Variants in SLC17A6 observed in about 807,000 individuals in gnomAD.
The protein encoded by SLC17A6 is solute carrier family 17 member 6.
Under a neutral mutation model 67.1 loss-of-function variants are expected in SLC17A6, and 35 were observed. The ratio of observed to expected loss-of-function variants is 0.52; its 90% CI spans 0.40 to 0.69. The LOEUF is 0.69. SLC17A6 is among the 30% of genes least tolerant of loss of function. The probability of loss-of-function intolerance (pLI) is 0.00; values close to 1 mark genes in which losing one functional copy is unlikely to be tolerated. For synonymous variants in SLC17A6, 285 were observed against 252.3 expected, an observed-to-expected ratio of 1.13 and a Z score of -1.23; for missense variants, 588 against 723.9, an observed-to-expected ratio of 0.81 and a Z score of 2.15.
intron 4 of SLC17A6, among the ~76,000 whole-genome samples, chr11:22,360,132 C>T: frequency 6.6e-6 from 1 of 151,104 alleles, no homozygotes; most frequent in East Asian, 1.9e-4. Context: ...AACCCTTTCT[C>T]ATACTATGCA....
intron 9 of SLC17A6, among the ~76,000 whole-genome samples, chr11:22,375,569 C>G (rs1003516519): frequency 6.6e-6 from 1 of 151,736 alleles, no homozygotes; most frequent in Non-Finnish European, 1.5e-5. Flanking sequence ...CAACCCCCGC[C>G]TCCCGGGTTC....
At chr11:22,361,606 G>A (rs1032638652) in intron 5 of SLC17A6, among the ~76,000 whole-genome samples, 7 of 151,910 alleles carry the variant, frequency 4.6e-5, no homozygotes, top group African/African-American at 1.5e-4. Context: ...TTATTTTTGG[G>A]ATCAAAACTG....
rs182313712 is a variant in SLC17A6 at position 22,372,679 on chromosome 11, G to C, written c.1042-2076G>C. Among the ~76,000 whole-genome samples, 8 of 152,198 alleles carry C rather than the reference G, an allele frequency of 5.3e-5. No individual in the cohort carries two copies. The East Asian group carries it at 1.5e-3, about 29-fold the overall frequency. On this transcript the variant is annotated intron_variant, in intron 8 of 11. Transcript: ENST00000263160. ...AGACTATGACCCAGAAAAGCTAAAA[G>C]AAGGATGAGGCAAAAATCTAATTAC...
chr11:22,353,537 A>C (rs1382257887), intron 3 of SLC17A6, among the ~76,000 whole-genome samples: 9 of 152,252 alleles, frequency 5.9e-5, no homozygotes, highest in Non-Finnish European at 1.2e-4. Flanking sequence ...TAATAAAAAA[A>C]GAAACTTGTC....
intron 3 of SLC17A6, among the ~76,000 whole-genome samples, chr11:22,353,514 G>T (rs753183207): frequency 6.6e-6 from 1 of 152,138 alleles, no homozygotes; most frequent in Non-Finnish European, 1.5e-5. Context: ...TTGGAATTTG[G>T]ATTTTCACAG....
chr11:22,356,629 G>T (rs552828529), intron 3 of SLC17A6, among the ~76,000 whole-genome samples: 1 of 152,240 alleles, frequency 6.6e-6, no homozygotes, highest in South Asian at 2.1e-4. Flanking sequence ...GAGGTCAGGA[G>T]TTCAAGACCA....
At chr11:22,360,042 A>G (rs979980937) in intron 4 of SLC17A6, among the ~76,000 whole-genome samples, 2 of 152,024 alleles carry the variant, frequency 1.3e-5, no homozygotes, top group Non-Finnish European at 2.9e-5. Context: ...AGTTCGGCTT[A>G]CCAATTTCCC....
intron 4 of SLC17A6, among the ~76,000 whole-genome samples, chr11:22,360,483 A>T (rs1052010394): frequency 1.4e-4 from 22 of 151,938 alleles, no homozygotes; most frequent in South Asian, 1.2e-3. Flanking sequence ...GAACTTAAAA[A>T]AATAATAATA....
intron 3 of SLC17A6, among the ~76,000 whole-genome samples, chr11:22,344,867 A>G (rs940059825): frequency 6.6e-6 from 1 of 152,136 alleles, no homozygotes; most frequent in Admixed American, 6.5e-5. Context: ...TAGATCCCCA[A>G]TATATATAGT....
intron 1 of SLC17A6, 137 bp from the exon 2 acceptor site, chr11:22,341,391 C>A: frequency 1.5e-6 from 2 of 1,300,756 alleles, no homozygotes; most frequent in Non-Finnish European, 2.1e-6. Context: ...TGTCACCCCA[C>A]CACCCTAATC....
In SLC17A6 at chr11:22,341,738, CAA is replaced by C; in HGVS notation, c.298_299del (p.Asn100GlnfsTer91). The C allele has an allele frequency of 6.2e-7, 1 of 1,614,210 alleles. No homozygotes were observed. Among genetic ancestry groups the C allele is most frequent in the Non-Finnish European group, 8.5e-7 (1 of 1,180,046 alleles). On this transcript the variant is annotated frameshift_variant, in exon 2 of 12. Coordinates refer to ENST00000263160, the MANE Select transcript of SLC17A6 (RefSeq NM_020346.3). LOFTEE classifies it high-confidence loss of function. ...NLGVAIVDMVNNSTIHRGGKV... is the reference protein window; with the variant it reads ...NLGVAIVDMVXNSTIHRGGKV... ...TGGGCGTGGCCATTGTGGACATGGT[CAA>C]CAACAGCACCATCCACCGCGGGGGC...
rs1855792324 is a variant in SLC17A6, at chr11:22,339,776, CG to C, written c.86+1159del. On this transcript the variant is annotated intron_variant, in intron 1 of 11. Coordinates refer to ENST00000263160, the MANE Select transcript of SLC17A6 (RefSeq NM_020346.3). Reference sequence around the variant, plus strand: ...ATGTAGGCACGATTATGCACCTATGCGGCAGTAGATACCGCAAGGGCCCTGC... The same window carrying C: ...ATGTAGGCACGATTATGCACCTATGCGCAGTAGATACCGCAAGGGCCCTGC... Among the ~76,000 whole-genome samples, 2 of 152,064 alleles carry C rather than the reference CG, an allele frequency of 1.3e-5. 1 individual carries two copies. Among genetic ancestry groups the C allele is most frequent in the South Asian group, 4.2e-4 (2 of 4,818 alleles).
In SLC17A6 at chr11:22,346,883, C is replaced by T. The variant is rs114846978; in HGVS notation, c.458+3518C>T. ...TACATTTTTTTTGCAAAAGGCATAA[C>T]CATAGAAGGTCAGATACAGCAAAGG... On this transcript the variant is annotated intron_variant, in intron 3 of 11. Coordinates refer to ENST00000263160, the MANE Select transcript of SLC17A6 (RefSeq NM_020346.3). Among the ~76,000 whole-genome samples, 513 of 149,390 alleles carry T rather than the reference C, an allele frequency of 3.4e-3. 4 individuals are homozygous for T. Among genetic ancestry groups the T allele is most frequent in the African/African-American group, 0.012 (480 of 40,972 alleles).
intron 6 of SLC17A6, among the ~76,000 whole-genome samples, chr11:22,365,307 G>C (rs1199754685): frequency 6.6e-6 from 1 of 152,084 alleles, no homozygotes; most frequent in Non-Finnish European, 1.5e-5. Context: ...ATTATTTATG[G>C]CTTATTGTAT....
rs2133881277 is a variant in SLC17A6 at position 22,378,176 on chromosome 11, A to G, written c.*436A>G. On this transcript the variant is annotated 3_prime_UTR_variant, in exon 12 of 12. Coordinates refer to ENST00000263160, the MANE Select transcript of SLC17A6 (RefSeq NM_020346.3). ...GTTGGCTGCGTCAAGTAGAGGCGAC[A>G]TTTATTAAGTGAAAATCATGGAGTT... 6.0e-6 allele frequency: 1 copy of G among 166,130 alleles called. No individual in the cohort carries two copies. 10.3% of individuals were successfully genotyped at this position (166,130 alleles called of 1,614,324 possible).
In SLC17A6 at chr11:22,366,995, A is replaced by G. The variant is rs920325039; in HGVS notation, c.891+1306A>G. ...CACTCCAGCCTGGGCGACAAACAAG[A>G]CTCCGTCTCGAAAAAAAAAAAAAAA... On this transcript the variant is annotated intron_variant, in intron 7 of 11. Coordinates refer to ENST00000263160, the MANE Select transcript of SLC17A6 (RefSeq NM_020346.3). Among the ~76,000 whole-genome samples, 6 of 119,918 alleles carry G rather than the reference A, an allele frequency of 5.0e-5. No individual in the cohort carries two copies. The East Asian group carries it at 1.5e-3, about 29-fold the overall frequency. The allele number at this position is 119,918 out of a possible 152,430, so 78.7% of individuals were successfully genotyped here.
Position 22,343,239 on chromosome 11 carries a change from C to T in SLC17A6, c.340-8C>T. ...TTCCCTTCACACTTTTTTCCTACCCCTCCATAGAAAGCCAAATTCAACTGG... is the reference window on the plus strand; with the variant it reads ...TTCCCTTCACACTTTTTTCCTACCCTTCCATAGAAAGCCAAATTCAACTGG... On this transcript the variant is annotated splice_polypyrimidine_tract_variant and splice_region_variant and intron_variant, in intron 2 of 11. Coordinates refer to ENST00000263160, the MANE Select transcript of SLC17A6 (RefSeq NM_020346.3). 1.2e-6 allele frequency: 2 copies of T among 1,611,366 alleles called. No homozygotes were observed. Among genetic ancestry groups the T allele is most frequent in the Non-Finnish European group, 1.7e-6 (2 of 1,178,128 alleles).
At position 22,343,162 on chromosome 11, in the gene SLC17A6, C is replaced by T. The variant is rs560932380; in HGVS notation, c.340-85C>T. The T allele has an allele frequency of 1.2e-5, 13 of 1,122,272 alleles. 2 individuals carry two copies. The South Asian group carries it at 1.3e-4, about 11-fold the overall frequency. 69.5% of individuals were successfully genotyped at this position (1,122,272 alleles called of 1,614,324 possible). A position where few individuals can be genotyped will look rare whatever the true frequency, so the allele number is the denominator to read the frequency against. On this transcript the variant is annotated intron_variant, in intron 2 of 11. Transcript: ENST00000263160. Reference sequence around the variant, plus strand: ...GCATGAAGCGCCCAAGCCTTGGGGGCTTTTTGGCTTGTGAACCACTGAAAG... The same window carrying T: ...GCATGAAGCGCCCAAGCCTTGGGGGTTTTTTGGCTTGTGAACCACTGAAAG...
intron 3 of SLC17A6, among the ~76,000 whole-genome samples, chr11:22,349,494 G>A (rs1285550048): frequency 4.6e-5 from 7 of 152,178 alleles, no homozygotes; most frequent in African/African-American, 9.7e-5. Context: ...GTACTTTGCC[G>A]ATAAGAGTTT....
Sources: gnomAD v4.1 joint callset for allele counts (sites outside exome capture counted in the v4.1 genomes callset) on GRCh38, gnomAD v4.1.1 for gene constraint, MANE v1.5 for transcripts, NCBI Gene and HGNC (gene_info 2026-07-23, HGNC 2026-07-21) for gene names.